Variants in MFN2 observed in about 807,000 individuals in gnomAD.
The protein encoded by MFN2 is mitofusin 2.
Under a neutral mutation model 87.5 loss-of-function variants are expected in MFN2, and 43 were observed. The observed-to-expected ratio is 0.49, with a 90% CI of 0.38 to 0.63. The LOEUF (loss-of-function observed/expected upper bound fraction) is 0.63, where lower values mean the gene tolerates loss of function less well. Among genes scored for constraint, MFN2 ranks in the 30% least tolerant of loss-of-function variants. The pLI is 0.00. For missense variants in MFN2, 743 were observed against 972.8 expected (o/e 0.76, Z 3.14); for synonymous variants, 337 against 359.9 (o/e 0.94, Z 0.72).
At position 11,998,757 on chromosome 1, in the gene MFN2, C is replaced by G. The variant is rs1467237918; in HGVS notation, c.600-13C>G. 6.2e-7 allele frequency: 1 copy of G among 1,612,942 alleles called. No individual in the cohort carries two copies. Among genetic ancestry groups the G allele is most frequent in the Non-Finnish European group, 8.5e-7 (1 of 1,178,894 alleles). On this transcript the variant is annotated splice_polypyrimidine_tract_variant and intron_variant, in intron 6 of 18. Coordinates refer to ENST00000235329, the MANE Select transcript of MFN2 (RefSeq NM_014874.4). ...CTCTGCCTGATGATTTGGTTTACCC[C>G]TGTCACCTTTAGCCCTGGTATTGAT...
In MFN2 at chr1:12,004,912, C is replaced by A. The variant is rs141775063; in HGVS notation, c.1480C>A (p.Gln494Lys). ...TAITNSLQTMQQDMIDGLKPL... is the reference protein window; with the variant it reads ...TAITNSLQTMKQDMIDGLKPL... ...CATCACCAACTCCCTGCAGACCATG[C>A]AGCAGGACATGATAGGTTAGTGCCC... The change falls in exon 14 of 19, where the codon CAG becomes AAG. Residue 494 changes from glutamine to lysine, a missense_variant. Gln to Lys is a moderately conservative substitution (Grantham distance 53). Transcript: ENST00000235329. This position sits in a 1 kb window ranked among gnomAD's most constrained non-coding sequence, Gnocchi z 4.2. 17 of 1,610,146 alleles carry A rather than the reference C, an allele frequency of 1.1e-5. No individual in the cohort carries two copies. In the South Asian group the frequency reaches 1.1e-4, roughly 10 times the overall value.
chr1:12,008,401 G>T (rs1416532808), intron 17 of MFN2, among the ~76,000 whole-genome samples: 1 of 140,250 alleles, frequency 7.1e-6, no homozygotes, highest in East Asian at 2.2e-4. Flanking sequence ...CCCGGACGGG[G>T]TGGCTGGCCG....
chr1:11,992,610 C>T lies in MFN2; in HGVS notation c.231C>T (p.Asp77=), dbSNP rs763489927. ...DPVTTEEQVL[D]VKGYLSKVRG... is the part of the protein sequence containing the mutation. ...TTACCACAGAAGAACAGGTTCTGGA[C>T]GTCAAAGGTTACCTATCCAAAGTGA... The change falls in exon 4 of 19, where the codon GAC becomes GAT. Residue 77 remains aspartate, a synonymous_variant. Transcript: ENST00000235329. 76 of 1,614,016 alleles carry T rather than the reference C, an allele frequency of 4.7e-5. No individual in the cohort carries two copies. Among genetic ancestry groups the T allele is most frequent in the East Asian group, 2.7e-4 (12 of 44,896 alleles).
chr1:12,003,216 C>T lies in MFN2; in HGVS notation c.1161-776C>T, dbSNP rs112999787. On this transcript the variant is annotated intron_variant, in intron 11 of 18. Coordinates refer to ENST00000235329, the MANE Select transcript of MFN2 (RefSeq NM_014874.4). This position sits in a 1 kb window ranked among gnomAD's most constrained non-coding sequence, Gnocchi z 4.1. ...TTCTGTTTTAGGGTACACGCGTTTC[C>T]AGTTTTAGTCAGTTTTCTTGATGCT... 0.016 allele frequency among the ~76,000 whole-genome samples: 2,384 copies of T among 151,238 alleles called. 33 individuals carry two copies. Among genetic ancestry groups the T allele is most frequent in the African/African-American group, 0.037 (1,539 of 41,136 alleles).
At position 11,981,505 on chromosome 1, in the gene MFN2, C is replaced by T. The variant is rs77690863; in HGVS notation, c.-149-465C>T. Among the ~76,000 whole-genome samples, 950 of 152,340 alleles carry T rather than the reference C, an allele frequency of 6.2e-3. 8 individuals are homozygous for T. Among genetic ancestry groups the T allele is most frequent in the African/African-American group, 0.022 (901 of 41,576 alleles). ...GTCAAAGGGAGCTAATATTTCAGATCCCAGCTTAGACAAATCTTCAAGTAT... is the reference window on the plus strand; with the variant it reads ...GTCAAAGGGAGCTAATATTTCAGATTCCAGCTTAGACAAATCTTCAAGTAT... On this transcript the variant is annotated intron_variant, in intron 1 of 18. Transcript: ENST00000235329.
Position 12,004,541 on chromosome 1 carries a change from C to G in MFN2, c.1320C>G (p.Arg440=). 2.5e-6 allele frequency: 4 copies of G among 1,614,168 alleles called. No homozygotes were observed. Among genetic ancestry groups the G allele is most frequent in the Non-Finnish European group, 3.4e-6 (4 of 1,180,030 alleles). Residue 440 remains arginine, a synonymous_variant, in exon 13 of 19, where the codon CGC becomes CGG. Coordinates refer to ENST00000235329, the MANE Select transcript of MFN2 (RefSeq NM_014874.4). The surrounding 1 kb of genome is among the most constrained non-coding windows in gnomAD (Gnocchi z 4.2). ...VSTAMAEEIR[R]LSVLVDDYQM... is the part of the protein sequence containing the mutation. ...CTGCAATGGCCGAGGAGATCAGGCG[C>G]CTCTCTGTACTGGTGGACGATTACC...
Position 11,980,469 on chromosome 1 carries a change from G to A in MFN2, c.-165G>A. 1 of 398,364 alleles carries A rather than the reference G, an allele frequency of 2.5e-6. No homozygotes were observed. The highest frequency in any genetic ancestry group is 4.4e-6 in the Non-Finnish European group (1 of 225,866). 24.7% of individuals were successfully genotyped at this position (398,364 alleles called of 1,614,324 possible). A position where few individuals can be genotyped will look rare whatever the true frequency, so the allele number is the denominator to read the frequency against. ...GTAGTGAGTGTGATGGCCGCCGCGA[G>A]GCCGGGAAGGTGAAGGTGAGAGGGC... is the stretch of plus-strand genomic sequence containing the variant. On this transcript the variant is annotated 5_prime_UTR_variant, in exon 1 of 19. Transcript: ENST00000235329.
At chr1:12,011,409 A>G in intron 18 of MFN2, 87 bp from the exon 19 acceptor site, 1 of 1,330,806 alleles carries the variant, frequency 7.5e-7, no homozygotes. Context: ...GGTGTGTGTC[A>G]AGCGTCCTTA....
chr1:11,988,171 C>T lies in MFN2; in HGVS notation c.-4-994C>T, dbSNP rs547259929. Among the ~76,000 whole-genome samples the T allele has an allele frequency of 1.3e-4, 19 of 151,060 alleles. No individual in the cohort carries two copies. The South Asian group carries it at 2.3e-3, about 18-fold the overall frequency. On this transcript the variant is annotated intron_variant, in intron 2 of 18. Transcript: ENST00000235329. The stretch of plus-strand genomic sequence containing the variant: ...AGGCTGGAGTACAGTGGTGCGATCT[C>T]GGCTCACTGCAACCTCCGCCTCCCA...
At chr1:11,983,910 G>A (rs1638272548) in intron 2 of MFN2, among the ~76,000 whole-genome samples, 1 of 152,150 alleles carries the variant, frequency 6.6e-6, no homozygotes, top group Admixed American at 6.6e-5. Context: ...ACACAGATGT[G>A]GAATCTCAGC....
chr1:12,005,732 C>T lies in MFN2; in HGVS notation c.1517C>T (p.Pro506Leu). Reference sequence around the variant, plus strand: ...ACAGATGGCTTGAAACCCCTCCTTCCTGTGTCTGTGCGGAGTCAGATAGAC... The same window carrying T: ...ACAGATGGCTTGAAACCCCTCCTTCTTGTGTCTGTGCGGAGTCAGATAGAC... Reference protein sequence around the residue: ...DMIDGLKPLLPVSVRSQIDML... With the variant: ...DMIDGLKPLLLVSVRSQIDML... The change falls in exon 15 of 19, where the codon CCT becomes CTT. Residue 506 changes from proline to leucine, a missense_variant. Physicochemically the swap from Pro to Leu is moderately conservative, Grantham distance 98. Transcript: ENST00000235329. 6.2e-7 allele frequency: 1 copy of T among 1,614,238 alleles called. No individual in the cohort carries two copies. The highest frequency in any genetic ancestry group is 8.5e-7 in the Non-Finnish European group (1 of 1,180,040).
At chr1:11,995,664 G>T (rs1638878690) in intron 4 of MFN2, among the ~76,000 whole-genome samples, 1 of 151,992 alleles carries the variant, frequency 6.6e-6, no homozygotes. Flanking sequence ...GAATGAGAAA[G>T]TAACCTTCCC....
chr1:12,005,145 G>C (rs1316283269), intron 14 of MFN2, among the ~76,000 whole-genome samples: 1 of 152,214 alleles, frequency 6.6e-6, no homozygotes, highest in African/African-American at 2.4e-5. Flanking sequence ...GCAGTGGCAT[G>C]ATCTTGGCTC....
chr1:11,990,861 G>A (rs1026393193), intron 3 of MFN2, among the ~76,000 whole-genome samples: 32 of 152,212 alleles, frequency 2.1e-4, no homozygotes, highest in African/African-American at 7.5e-4. Context: ...AGAGGTGACC[G>A]GTGGACATAG....
chr1:12,008,546 AG>A (rs1297620297), intron 17 of MFN2, among the ~76,000 whole-genome samples: 1 of 150,200 alleles, frequency 6.7e-6, no homozygotes, highest in Non-Finnish European at 1.5e-5. Flanking sequence ...TGCCTGGCGG[AG>A]GGGCTCCTCA....
At chr1:11,980,736 G>A (rs1419276584) in intron 1 of MFN2, among the ~76,000 whole-genome samples, 1 of 152,176 alleles carries the variant, frequency 6.6e-6, no homozygotes, top group Non-Finnish European at 1.5e-5. Flanking sequence ...CACCCTTCAC[G>A]GCCATGTTCT....
At chr1:12,011,025 G>GC (rs148861219) in intron 18 of MFN2, among the ~76,000 whole-genome samples, 40 of 151,466 alleles carry the variant, frequency 2.6e-4, no homozygotes, top group East Asian at 5.8e-4. Flanking sequence ...CTGCGGATGT[G>GC]CCCCCCCCGC....
At chr1:12,006,048 C>G in intron 15 of MFN2, 117 bp downstream of exon 15, 1 of 903,464 alleles carries the variant, frequency 1.1e-6, no homozygotes, top group Non-Finnish European at 1.8e-6. Flanking sequence ...TGGTGGTGTG[C>G]CCCACCACAC....
chr1:12,008,171 A>G (rs1030540927), intron 17 of MFN2, among the ~76,000 whole-genome samples: 6 of 152,138 alleles, frequency 3.9e-5, no homozygotes, highest in African/African-American at 1.2e-4. Context: ...CACAGCAACA[A>G]TCTGATTTCT....
Sources: gnomAD v4.1 joint callset for allele counts (sites outside exome capture counted in the v4.1 genomes callset) on GRCh38, gnomAD v4.1.1 for gene constraint, Gnocchi (gnomAD v3.1) non-coding constraint, MANE v1.5 for transcripts, NCBI Gene and HGNC (gene_info 2026-07-23, HGNC 2026-07-21) for gene names.